ADAM22: variants seen among roughly 807,000 people sequenced by gnomAD.
ADAM22 encodes disintegrin and metalloproteinase domain-containing protein 22.
In ADAM22, 65 loss-of-function variants were observed where a neutral mutation model predicts 144.6. The observed-to-expected ratio is 0.45, with a 90% CI of 0.37 to 0.55. The LOEUF (loss-of-function observed/expected upper bound fraction) is 0.55. Ranked by LOEUF, ADAM22 falls within the 20% of genes least tolerant of loss-of-function variation. ADAM22 has a pLI of 0.00. For missense variants in ADAM22, 974 were observed against 1,184.9 expected (o/e 0.82, Z 2.61); for synonymous variants, 391 against 412.6 (o/e 0.95, Z 0.63).
At chr7:88,015,894 A>T (rs569267519) in intron 3 of ADAM22, among the ~76,000 whole-genome samples, 2 of 151,722 alleles carry the variant, frequency 1.3e-5, no homozygotes, top group South Asian at 4.2e-4. Flanking sequence ...TAGTGAATTA[A>T]TTTGTGGTAC....
rs1586369649 is a variant in ADAM22, at chr7:88,163,046, C to A, written c.1942C>A (p.Leu648Ile). Residue 648 changes from leucine (L) to isoleucine (I), a missense_variant, in exon 23 of 32, where the codon CTT (leucine) becomes ATT (isoleucine). By Grantham distance (5) the Leu-to-Ile change is conservative. Transcript: ENST00000413139. ...TGTTAAGCTTGAAGAAGATGTAGAT[C>A]TTGGCTATGTGGAAGATGGGACACC... is the stretch of plus-strand genomic sequence containing the variant. ...GHVKLEEDVD[L>I]GYVEDGTPCG... is the part of the protein sequence containing the mutation. The A allele has an allele frequency of 3.1e-6, 5 of 1,611,262 alleles. No homozygotes were observed. In the East Asian group the frequency reaches 1.1e-4, roughly 36 times the overall value.
At chr7:88,072,286 G>A (rs982648236) in intron 3 of ADAM22, among the ~76,000 whole-genome samples, 14 of 152,182 alleles carry the variant, frequency 9.2e-5, no homozygotes, top group East Asian at 3.9e-4. Flanking sequence ...AATTACATTC[G>A]TGCAGTGACT....
At chr7:87,934,648 G>T in intron 1 of ADAM22, 98 bp downstream of exon 1, 3 of 1,107,070 alleles carry the variant, frequency 2.7e-6, no homozygotes, top group Non-Finnish European at 3.7e-6. Flanking sequence ...CATTTCCCGA[G>T]TGCGCGGGGA....
In ADAM22 at chr7:88,023,623, C is replaced by T. The variant is rs546122579; in HGVS notation, c.323+45211C>T. On this transcript the variant is annotated intron_variant, in intron 3 of 31. Coordinates refer to ENST00000413139, the MANE Select transcript of ADAM22 (RefSeq NM_001324418.2). Reference sequence around the variant, plus strand: ...TTAGTAGAGACTGGGTTTTGCCATGCGGATCAGGCTGGTCTCAAACACCCC... The same window carrying T: ...TTAGTAGAGACTGGGTTTTGCCATGTGGATCAGGCTGGTCTCAAACACCCC... Among the ~76,000 whole-genome samples, 12 of 152,144 alleles carry T rather than the reference C, an allele frequency of 7.9e-5. No individual in the cohort carries two copies. The East Asian group carries it at 1.2e-3, about 15-fold the overall frequency.
rs1328259579 is a variant in ADAM22 at position 88,187,095 on chromosome 7, G to A, written c.2750+394G>A. 2.0e-5 allele frequency among the ~76,000 whole-genome samples: 3 copies of A among 152,134 alleles called. No homozygotes were observed. The East Asian group carries it at 5.8e-4, about 29-fold the overall frequency. ...TCATAATGCATTTTTCCTACTTACT[G>A]CCTAAGAGTGCATAGTGCATACAAA... On this transcript the variant is annotated intron_variant, in intron 30 of 31. Coordinates refer to ENST00000413139, the MANE Select transcript of ADAM22 (RefSeq NM_001324418.2).
intron 2 of ADAM22, among the ~76,000 whole-genome samples, chr7:87,961,132 A>C (rs991472410): frequency 6.6e-6 from 1 of 152,042 alleles, no homozygotes; most frequent in Non-Finnish European, 1.5e-5. Context: ...CTAGTAGGGT[A>C]GTCCGTTAGG....
chr7:88,145,220 A>G (rs752060347), intron 16 of ADAM22, 24 bp downstream of exon 16: 2 of 1,612,034 alleles, frequency 1.2e-6, no homozygotes, highest in African/African-American at 2.7e-5. Flanking sequence ...TGTTTTGATG[A>G]TATTTTCTAG....
chr7:88,035,611 T>G (rs1801341764), intron 3 of ADAM22, among the ~76,000 whole-genome samples: 2 of 152,270 alleles, frequency 1.3e-5, no homozygotes, highest in Non-Finnish European at 2.9e-5. Flanking sequence ...TGTATTGATT[T>G]TGTTCTTGTT....
chr7:87,993,040 G>T (rs1405899414), intron 3 of ADAM22, among the ~76,000 whole-genome samples: 6 of 152,178 alleles, frequency 3.9e-5, no homozygotes. Context: ...TAGGAGAAGA[G>T]AGGATCACTG....
At chr7:88,155,186 T>C (rs1839590382) in intron 21 of ADAM22, among the ~76,000 whole-genome samples, 1 of 152,076 alleles carries the variant, frequency 6.6e-6, no homozygotes, top group Admixed American at 6.6e-5. Context: ...AAAACATCTG[T>C]ATTCCAAAAG....
chr7:88,162,725 T>C (rs1346353553), intron 22 of ADAM22, among the ~76,000 whole-genome samples: 1 of 152,120 alleles, frequency 6.6e-6, no homozygotes, highest in Non-Finnish European at 1.5e-5. Context: ...AATAATGCCT[T>C]ACTTACCTTT....
At chr7:87,995,780 A>C (rs573295915) in intron 3 of ADAM22, among the ~76,000 whole-genome samples, 6 of 152,206 alleles carry the variant, frequency 3.9e-5, no homozygotes, top group Non-Finnish European at 7.3e-5. Context: ...TCCAAACCTC[A>C]ACCCTGCACC....
At chr7:87,951,012 T>G (rs567508977) in intron 2 of ADAM22, among the ~76,000 whole-genome samples, 1 of 152,248 alleles carries the variant, frequency 6.6e-6, no homozygotes, top group Non-Finnish European at 1.5e-5. Flanking sequence ...TAAATTTGTT[T>G]GATTTCATTG....
intron 4 of ADAM22, among the ~76,000 whole-genome samples, chr7:88,084,136 C>T (rs972768428): frequency 6.6e-6 from 1 of 152,070 alleles, no homozygotes; most frequent in Non-Finnish European, 1.5e-5. Flanking sequence ...GAGGGTGGAC[C>T]CAGCAGACAG....
intron 3 of ADAM22, among the ~76,000 whole-genome samples, chr7:88,038,260 T>C (rs1802003976): frequency 1.3e-5 from 2 of 152,212 alleles, no homozygotes; most frequent in African/African-American, 2.4e-5. Context: ...AGAAAGGTAT[T>C]AAAAATTAGC....
chr7:87,945,024 G>T (rs982993882), intron 2 of ADAM22, among the ~76,000 whole-genome samples: 1 of 149,456 alleles, frequency 6.7e-6, no homozygotes, highest in Non-Finnish European at 1.5e-5. Context: ...CTTTGTAAAG[G>T]TCTGCAGGCT....
At chr7:88,015,870 G>A (rs182640275) in intron 3 of ADAM22, among the ~76,000 whole-genome samples, 27 of 152,022 alleles carry the variant, frequency 1.8e-4, no homozygotes, top group Admixed American at 8.5e-4. Flanking sequence ...TTAAAGTTAT[G>A]TATTTACATT....
chr7:88,151,054 A>G (rs753874562), intron 19 of ADAM22, 23 bp downstream of exon 19: 21 of 1,608,086 alleles, frequency 1.3e-5, no homozygotes, highest in East Asian at 2.2e-5. Flanking sequence ...ATTTTTACCT[A>G]TGTTTTTCAC....
intron 4 of ADAM22, among the ~76,000 whole-genome samples, chr7:88,092,954 T>C (rs1420877862): frequency 3.3e-5 from 4 of 119,672 alleles, no homozygotes; most frequent in African/African-American, 1.0e-4. Context: ...GTATAAGATT[T>C]TTTTTCCCCC....
Sources: allele counts gnomAD v4.1 joint callset (sites outside exome capture counted in the v4.1 genomes callset), GRCh38; gene constraint gnomAD v4.1.1; transcripts MANE v1.5; gene names NCBI Gene and HGNC (gene_info 2026-07-23, HGNC 2026-07-21).